Variants in PUS7 observed in about 807,000 individuals in gnomAD.
The protein encoded by PUS7 is pseudouridine synthase 7, also known as pseudouridylate synthase 7 homolog.
PUS7 carries 48 observed loss-of-function variants against 79.8 expected under a neutral mutation model. The observed-to-expected ratio is 0.60, with a 90% CI of 0.48 to 0.76. The LOEUF (loss-of-function observed/expected upper bound fraction) is 0.76. PUS7 is among the 30% of genes least tolerant of loss of function. The probability of loss-of-function intolerance (pLI) is 0.00; values close to 1 mark genes in which losing one functional copy is unlikely to be tolerated. For synonymous variants in PUS7, 286 were observed against 272.2 expected, an observed-to-expected ratio of 1.05 and a Z score of -0.50; for missense variants, 729 against 797.6, an observed-to-expected ratio of 0.91 and a Z score of 1.04.
At chr7:105,475,163 C>A (rs771159559) in intron 9 of PUS7, among the ~76,000 whole-genome samples, 15 of 152,078 alleles carry the variant, frequency 9.9e-5, no homozygotes, top group Non-Finnish European at 2.1e-4. Context: ...GCTGTACTAT[C>A]TAGCACGCTG....
intron 6 of PUS7, among the ~76,000 whole-genome samples, chr7:105,493,427 T>C (rs1824876973): frequency 1.3e-5 from 2 of 152,248 alleles, no homozygotes; most frequent in South Asian, 4.1e-4. Flanking sequence ...CTGTTCTCTC[T>C]GGCTCAGGTA....
intron 9 of PUS7, among the ~76,000 whole-genome samples, chr7:105,476,518 C>G (rs888578109): frequency 6.6e-6 from 1 of 152,012 alleles, no homozygotes; most frequent in Non-Finnish European, 1.5e-5. Context: ...CCACCACGCC[C>G]GGCTAATTTT....
At chr7:105,464,858 G>A (rs1386889616) in intron 13 of PUS7, among the ~76,000 whole-genome samples, 4 of 126,070 alleles carry the variant, frequency 3.2e-5, no homozygotes, top group Admixed American at 1.0e-4. Context: ...TTGCTCTGTC[G>A]CTGAGGCTGG....
chr7:105,459,653 G>T (rs1563349006), intron 14 of PUS7, among the ~76,000 whole-genome samples: 1 of 151,800 alleles, frequency 6.6e-6, no homozygotes, highest in East Asian at 1.9e-4. Flanking sequence ...GGCCAGGGAG[G>T]TCTCAAACTC....
rs200924507 is a variant in PUS7, at chr7:105,457,873, C to T, written c.1903G>A (p.Ala635Thr). The T allele has an allele frequency of 5.1e-5, 82 of 1,613,774 alleles. No individual in the cohort carries two copies. Among genetic ancestry groups the T allele is most frequent in the Admixed American group, 1.7e-5 (1 of 59,970 alleles). The change falls in exon 16 of 16, where the codon GCC (alanine) becomes ACC (threonine). Residue 635 changes from alanine to threonine, a missense_variant. Coordinates refer to ENST00000469408, the MANE Select transcript of PUS7 (RefSeq NM_019042.5). ...AGCACTTCTCGAATGGCCATGGTGG[C>T]GTAAGTAGAAGGGGGTAGAGAAAAA... The part of the protein sequence containing the change: ...MDFSLPPSTY[A>T]TMAIREVLKM...
At position 105,509,184 on chromosome 7, in the gene PUS7, C is replaced by CAAAAAAAAA. The variant is rs57095427; in HGVS notation, c.-32-649_-32-641dup. ...GGGGGACCAGAGCAAGACTCCATCTCAAAAAAAAAAAAAAAAAAAAAAAAA... is the reference window on the plus strand; with the variant it reads ...GGGGGACCAGAGCAAGACTCCATCTCAAAAAAAAAAAAAAAAAAAAAAAAAAAAAAAAAA... On this transcript the variant is annotated intron_variant, in intron 1 of 15. Transcript: ENST00000469408. Among the ~76,000 whole-genome samples, 226 of 55,712 alleles carry CAAAAAAAAA rather than the reference C, an allele frequency of 4.1e-3. 13 individuals carry two copies. The highest frequency in any genetic ancestry group is 7.0e-3 in the African/African-American group (78 of 11,202). 36.5% of individuals were successfully genotyped at this position (55,712 alleles called of 152,430 possible).
At chr7:105,502,065 C>T (rs987144194) in intron 5 of PUS7, among the ~76,000 whole-genome samples, 1 of 151,776 alleles carries the variant, frequency 6.6e-6, no homozygotes. Flanking sequence ...TTTCTTTCCT[C>T]CATGAAGAAC....
rs369521882 is a variant in PUS7, at chr7:105,468,414, A to C, written c.1448T>G (p.Val483Gly). 1 of 1,612,986 alleles carries C rather than the reference A, an allele frequency of 6.2e-7. No homozygotes were observed. Among genetic ancestry groups the C allele is most frequent in the Non-Finnish European group, 8.5e-7 (1 of 1,179,116 alleles). ...CCTCTTGCTTACCATGTTATTCCACACATAGCTTTGGTAGCTATGAATATA... is the reference window on the plus strand; with the variant it reads ...CCTCTTGCTTACCATGTTATTCCACCCATAGCTTTGGTAGCTATGAATATA... The part of the protein sequence containing the change: ...LMYIHSYQSY[V>G]WNNMVSKRIE... The change falls in exon 12 of 16, where the codon GTG (valine) becomes GGG (glycine). Residue 483 changes from valine (V) to glycine (G), a missense_variant. Val to Gly is a moderately radical substitution (Grantham distance 109, BLOSUM62 -3). Coordinates refer to ENST00000469408, the MANE Select transcript of PUS7 (RefSeq NM_019042.5).
In PUS7 at chr7:105,470,855, G is replaced by A. The variant is rs374366171; in HGVS notation, c.1238-7C>T. The A allele has an allele frequency of 2.1e-5, 33 of 1,568,608 alleles. No individual in the cohort carries two copies. In the African/African-American group the frequency reaches 4.4e-4, roughly 21 times the overall value. On this transcript the variant is annotated splice_polypyrimidine_tract_variant and splice_region_variant and intron_variant, in intron 10 of 15. Transcript: ENST00000469408. Reference sequence around the variant, plus strand: ...ACCAAGTAGCCCTTTTCAGCTGCGGGGGGAAAAAGCTAGGGTTAAATGACT... The same window carrying A: ...ACCAAGTAGCCCTTTTCAGCTGCGGAGGGAAAAAGCTAGGGTTAAATGACT...
intron 14 of PUS7, among the ~76,000 whole-genome samples, chr7:105,460,580 C>T (rs1004808634): frequency 8.5e-5 from 13 of 152,094 alleles, no homozygotes; most frequent in South Asian, 2.1e-4. Context: ...TGAGGCCGGG[C>T]GCGGTGGCTC....
At chr7:105,515,785 A>ATTTTTTTTT (rs1351133206) in intron 1 of PUS7, among the ~76,000 whole-genome samples, 2 of 9,154 alleles carry the variant, frequency 2.2e-4, no homozygotes, top group African/African-American at 3.0e-4. Flanking sequence ...TTTGTATTTT[A>ATTTTTTTTT]TTTTATTTTA....
At chr7:105,472,320 C>G (rs74957769) in intron 9 of PUS7, 127 bp from the exon 10 acceptor site, 1 of 585,990 alleles carries the variant, frequency 1.7e-6, no homozygotes, top group Non-Finnish European at 3.0e-6. Flanking sequence ...AGGCTCTACT[C>G]CCAGGCTCTA....
rs1485701261 is a variant in PUS7 at position 105,462,552 on chromosome 7, A to G, written c.1757+69T>C. 2.6e-6 allele frequency: 4 copies of G among 1,565,276 alleles called. No homozygotes were observed. In the African/African-American group the frequency reaches 4.1e-5, roughly 16 times the overall value. On this transcript the variant is annotated intron_variant, in intron 14 of 15. Coordinates refer to ENST00000469408, the MANE Select transcript of PUS7 (RefSeq NM_019042.5). ...ATTCTTGTGCAGTACATGACTCTAT[A>G]TAAAGTGAAGCAAAAGCTTACAACT...
intron 9 of PUS7, among the ~76,000 whole-genome samples, chr7:105,478,054 C>T (rs541019334): frequency 9.2e-5 from 14 of 152,176 alleles, no homozygotes; most frequent in African/African-American, 3.4e-4. Context: ...AGTGATCCTG[C>T]CGCCTTGGCC....
chr7:105,507,971 G>T, intron 2 of PUS7, 144 bp downstream of exon 2: 2 of 1,099,938 alleles, frequency 1.8e-6, no homozygotes, highest in Non-Finnish European at 2.4e-6. Context: ...TATTCAGGCA[G>T]GTTTCCTTCA....
chr7:105,476,192 C>T (rs79090057), intron 9 of PUS7, among the ~76,000 whole-genome samples: 52 of 151,460 alleles, frequency 3.4e-4, no homozygotes, highest in African/African-American at 1.3e-3. Context: ...TATGTATGGG[C>T]CACATTTTGT....
intron 7 of PUS7, among the ~76,000 whole-genome samples, chr7:105,486,866 C>T (rs1050952642): frequency 6.6e-6 from 1 of 151,808 alleles, no homozygotes; most frequent in South Asian, 2.1e-4. Context: ...TCGAGACCAG[C>T]CTGGCCATCC....
chr7:105,517,293 A>G (rs1329848973), intron 1 of PUS7, among the ~76,000 whole-genome samples: 1 of 152,102 alleles, frequency 6.6e-6, no homozygotes, highest in Non-Finnish European at 1.5e-5. Flanking sequence ...AGTAGCTGAG[A>G]GTACATACAG....
chr7:105,518,659 G>T (rs1009171025), intron 1 of PUS7, among the ~76,000 whole-genome samples: 1 of 152,126 alleles, frequency 6.6e-6, no homozygotes, highest in Non-Finnish European at 1.5e-5. Context: ...CCTCAACTGG[G>T]ATTACAGGTG....
Sources: allele counts gnomAD v4.1 joint callset (sites outside exome capture counted in the v4.1 genomes callset), GRCh38; gene constraint gnomAD v4.1.1; transcripts MANE v1.5; gene names NCBI Gene and HGNC (gene_info 2026-07-23, HGNC 2026-07-21).